MNT: variants seen among roughly 807,000 people sequenced by gnomAD.
MNT encodes the protein MAX network transcriptional repressor, also known as max-binding protein MNT.
MNT carries 13 observed loss-of-function variants against 40.7 expected under a neutral mutation model. The observed-to-expected ratio is 0.32, with a 90% CI of 0.21 to 0.51. The LOEUF (loss-of-function observed/expected upper bound fraction) is 0.51, where lower values mean the gene tolerates loss of function less well. Among genes scored for constraint, MNT ranks in the 20% least tolerant of loss-of-function variants. MNT has a pLI of 0.98. For missense variants in MNT, 757 were observed against 792.0 expected (o/e 0.96, Z 0.53); for synonymous variants, 426 against 354.8 (o/e 1.20, Z -2.26).
rs760150673 is a variant in MNT at position 2,387,188 on chromosome 17, T to C, written c.1462A>G (p.Ile488Val). 3 of 1,607,112 alleles carry C rather than the reference T, an allele frequency of 1.9e-6. No individual in the cohort carries two copies. Among genetic ancestry groups the C allele is most frequent in the African/African-American group, 2.7e-5 (2 of 74,544 alleles). Residue 488 changes from isoleucine (I) to valine (V), a missense_variant, in exon 6 of 6, where the codon ATT becomes GTT. This residue lies in a region of MNT where 345 missense variants were observed against 380.1 expected (regional missense o/e 0.91). Coordinates refer to ENST00000174618, the MANE Select transcript of MNT (RefSeq NM_020310.3). ...AVQLAPATPP[I>V]GHITVHPATL... ...GCAGGGTGCACAGTGATGTGCCCAA[T>C]GGGGGGTGTGGCAGGCGCCAGTTGC...
At chr17:2,388,140 C>A in intron 4 of MNT, 91 bp from the exon 5 acceptor site, 1 of 1,296,898 alleles carries the variant, frequency 7.7e-7, no homozygotes, top group East Asian at 2.6e-5. Flanking sequence ...AGCTGGCCCA[C>A]AGAGGCAAGT....
chr17:2,395,151 G>T lies in MNT; in HGVS notation c.377C>A (p.Ala126Asp). The change falls in exon 2 of 6, where the codon GCC becomes GAC. Residue 126 changes from alanine to aspartate, a missense_variant. By Grantham distance (126) the Ala-to-Asp change is moderately radical. This residue lies in a region of MNT where 335 missense variants were observed against 291.4 expected (regional missense o/e 1.15). Transcript: ENST00000174618. Reference sequence around the variant, plus strand: ...AGGCTCCTTAATGCTGAGTCCGGGGGCGCCAACCAGGGCCGGCTGACGAGG... The same window carrying T: ...AGGCTCCTTAATGCTGAGTCCGGGGTCGCCAACCAGGGCCGGCTGACGAGG... ...LAPRQPALVG[A>D]PGLSIKEPAP... The T allele has an allele frequency of 2.1e-6, 3 of 1,463,010 alleles. No homozygotes were observed. Among genetic ancestry groups the T allele is most frequent in the Non-Finnish European group, 2.7e-6 (3 of 1,110,520 alleles). The allele number at this position is 1,463,010 out of a possible 1,614,324, so 90.6% of individuals were successfully genotyped here. A position where few individuals can be genotyped will look rare whatever the true frequency, so the allele number is the denominator to read the frequency against.
chr17:2,400,608 C>A, intron 1 of MNT, 32 bp downstream of exon 1: 1 of 1,565,918 alleles, frequency 6.4e-7, no homozygotes, highest in Non-Finnish European at 8.6e-7. Context: ...TCCCCTTCCC[C>A]AGTGCCCCAG....
At chr17:2,399,956 C>T (rs1387551730) in intron 1 of MNT, among the ~76,000 whole-genome samples, 5 of 152,228 alleles carry the variant, frequency 3.3e-5, no homozygotes, top group African/African-American at 1.2e-4. Context: ...ACCCAAACCC[C>T]GGACGCGCAG....
intron 4 of MNT, among the ~76,000 whole-genome samples, chr17:2,393,094 G>C (rs1290246513): frequency 6.6e-6 from 1 of 151,974 alleles, no homozygotes; most frequent in Non-Finnish European, 1.5e-5. Context: ...GCCGCCCCCG[G>C]AGCTTCCTCA....
At chr17:2,395,904 G>GC (rs2066575326) in intron 1 of MNT, among the ~76,000 whole-genome samples, 1 of 152,290 alleles carries the variant, frequency 6.6e-6, no homozygotes, top group South Asian at 2.1e-4. Context: ...CCAGAGGGGG[G>GC]GGTGTGCTGA....
At chr17:2,399,127 G>A (rs1219053780) in intron 1 of MNT, among the ~76,000 whole-genome samples, 6 of 152,234 alleles carry the variant, frequency 3.9e-5, no homozygotes, top group African/African-American at 1.4e-4. Context: ...AGGAAAGGAG[G>A]GCGAAGCACT....
chr17:2,393,994 G>C, intron 4 of MNT, 49 bp downstream of exon 4: 2 of 1,370,422 alleles, frequency 1.5e-6, no homozygotes, highest in Non-Finnish European at 2.0e-6. Context: ...GAGGGGCGGC[G>C]GAGGGAGGGC....
chr17:2,387,050 C>T lies in MNT; in HGVS notation c.1600G>A (p.Gly534Ser), dbSNP rs769273118. 17 of 1,555,956 alleles carry T rather than the reference C, an allele frequency of 1.1e-5. 1 individual carries two copies. The highest frequency in any genetic ancestry group is 1.9e-4 in the Middle Eastern group (1 of 5,154). The change falls in exon 6 of 6, where the codon GGC becomes AGC. Residue 534 changes from glycine to serine, a missense_variant. By Grantham distance (56) the Gly-to-Ser change is moderately conservative. This residue lies in a region of MNT where 345 missense variants were observed against 380.1 expected (regional missense o/e 0.91). Transcript: ENST00000174618. ...ATGACAGTAGCCGGGGGCCCCAGGC[C>T]GGCCGTGCCGTTGACTTGCTGGTGC... Reference protein sequence around the residue: ...LSHQQVNGTAGLGPPATVMAK... With the variant: ...LSHQQVNGTASLGPPATVMAK...
chr17:2,398,235 CTA>C (rs1231771830), intron 1 of MNT, among the ~76,000 whole-genome samples: 1 of 152,270 alleles, frequency 6.6e-6, no homozygotes, highest in Non-Finnish European at 1.5e-5. Context: ...TGAGCCACCT[CTA>C]TGAACACTAG....
chr17:2,394,776 C>T, intron 2 of MNT, 99 bp downstream of exon 2: 2 of 787,266 alleles, frequency 2.5e-6, no homozygotes, highest in Non-Finnish European at 4.2e-6. Context: ...ATACAGGGGG[C>T]ACTTCTAAGC....
At chr17:2,396,481 G>C (rs979781997) in intron 1 of MNT, 1 of 152,640 alleles carries the variant, frequency 6.6e-6, no homozygotes, top group Non-Finnish European at 1.5e-5. Flanking sequence ...CAGTTGAGGA[G>C]GAGGAGGTAC....
At chr17:2,388,918 C>T (rs940422235) in intron 4 of MNT, among the ~76,000 whole-genome samples, 1 of 152,184 alleles carries the variant, frequency 6.6e-6, no homozygotes. Flanking sequence ...TGCTGCCTCC[C>T]GAGTCCCTTT....
intron 1 of MNT, among the ~76,000 whole-genome samples, chr17:2,395,825 C>T (rs2066574052): frequency 6.6e-6 from 1 of 150,392 alleles, no homozygotes; most frequent in South Asian, 2.1e-4. Context: ...GTGAGGGCAG[C>T]GAGGGTCAGG....
At position 2,387,060 on chromosome 17, in the gene MNT, G is replaced by T; in HGVS notation, c.1590C>A (p.Asn530Lys). 1.3e-6 allele frequency: 2 copies of T among 1,562,438 alleles called. No homozygotes were observed. Among genetic ancestry groups the T allele is most frequent in the Non-Finnish European group, 1.7e-6 (2 of 1,153,372 alleles). Residue 530 changes from asparagine to lysine, a missense_variant, in exon 6 of 6, where the codon AAC becomes AAA. Physicochemically the swap from Asn to Lys is moderately conservative, Grantham distance 94. Coordinates refer to ENST00000174618, the MANE Select transcript of MNT (RefSeq NM_020310.3). Reference protein sequence around the residue: ...IAHTLSHQQVNGTAGLGPPAT... With the variant: ...IAHTLSHQQVKGTAGLGPPAT... ...CCGGGGGCCCCAGGCCGGCCGTGCC[G>T]TTGACTTGCTGGTGCGAGAGGGTGT...
intron 1 of MNT, chr17:2,400,345 G>A: frequency 6.2e-6 from 2 of 322,822 alleles, no homozygotes; most frequent in South Asian, 8.4e-5. Flanking sequence ...TGCCACCGAG[G>A]GCTCCGCTGG....
At chr17:2,396,249 C>T (rs771186936) in intron 1 of MNT, among the ~76,000 whole-genome samples, 2 of 152,222 alleles carry the variant, frequency 1.3e-5, no homozygotes, top group Admixed American at 6.5e-5. Flanking sequence ...TCAACAAACA[C>T]ACTTCGTCCC....
rs1597414251 is a variant in MNT, at chr17:2,387,490, T to G, written c.1160A>C (p.His387Pro). Residue 387 changes from histidine (H) to proline (P), a missense_variant, in exon 6 of 6, where the codon CAC (histidine) becomes CCC (proline). His to Pro is a moderately conservative substitution (Grantham distance 77). Coordinates refer to ENST00000174618, the MANE Select transcript of MNT (RefSeq NM_020310.3). ...GTGGGCAGGAGGTAGGGCCACGGAG[T>G]GGGGGTGAGGGTGTGGGTGTGGAGG... ...PLPPHPHPHP[H>P]SVALPPAHLP... 6 of 1,605,168 alleles carry G rather than the reference T, an allele frequency of 3.7e-6. No homozygotes were observed. The highest frequency in any genetic ancestry group is 4.2e-6 in the Non-Finnish European group (5 of 1,177,126).
chr17:2,393,342 C>T (rs1319769825), intron 4 of MNT, among the ~76,000 whole-genome samples: 3 of 152,174 alleles, frequency 2.0e-5, no homozygotes, highest in African/African-American at 7.2e-5. Context: ...GAGGGAGCGA[C>T]GCCCAAAGGG....
Sources: allele counts gnomAD v4.1 joint callset (sites outside exome capture counted in the v4.1 genomes callset), GRCh38; gene constraint gnomAD v4.1.1; regional missense constraint gnomAD v4.1.1; transcripts MANE v1.5; gene names NCBI Gene and HGNC (gene_info 2026-07-23, HGNC 2026-07-21).